Variants in EPHA6 observed in about 807,000 individuals in gnomAD.
The protein encoded by EPHA6 is ephrin type-A receptor 6.
A neutral mutation model predicts 112.0 loss-of-function variants in EPHA6; 50 were observed. The observed-to-expected ratio is 0.45, with a 90% confidence interval of 0.36 to 0.56. EPHA6 has a LOEUF of 0.56. EPHA6 is among the 20% of genes least tolerant of loss of function. The probability of loss-of-function intolerance (pLI) is 0.00; values close to 1 mark genes in which losing one functional copy is unlikely to be tolerated. For missense variants in EPHA6, 1,280 were observed against 1,417.4 expected, an observed-to-expected ratio of 0.90 and a Z score of 1.56; for synonymous variants, 529 against 490.7, an observed-to-expected ratio of 1.08 and a Z score of -1.03.
chr3:97,655,358 G>A (rs2094131712), intron 14 of EPHA6, among the ~76,000 whole-genome samples: 1 of 151,622 alleles, frequency 6.6e-6, no homozygotes, highest in Non-Finnish European at 1.5e-5. Flanking sequence ...TCTGTCATAT[G>A]CAAACTCCCT....
chr3:97,334,478 C>CTTTTTTTTTTTTTTTTTTTTT (rs1354125066), intron 5 of EPHA6, among the ~76,000 whole-genome samples: 1 of 128,066 alleles, frequency 7.8e-6, no homozygotes, highest in African/African-American at 3.0e-5. Context: ...TTTTTTTCTT[C>CTTTTTTTTTTTTTTTTTTTTT]TTTTTTTTTT....
At chr3:97,016,245 C>A (rs1044029585) in intron 3 of EPHA6, among the ~76,000 whole-genome samples, 1 of 152,038 alleles carries the variant, frequency 6.6e-6, no homozygotes, top group Non-Finnish European at 1.5e-5. Flanking sequence ...TGACTTTAAA[C>A]AATTAATGTA....
rs112482417 is a variant in EPHA6, at chr3:97,590,851, G to T, written c.2387-1761G>T. Among the ~76,000 whole-genome samples the T allele has an allele frequency of 1.8e-4, 28 of 152,242 alleles. 1 individual carries two copies. Among genetic ancestry groups the T allele is most frequent in the African/African-American group, 5.1e-4 (21 of 41,536 alleles). ...ATCACCCCACTTGGTATTCAATGAT[G>T]CACCTTCATTACAAGTGTTATCTCA... On this transcript the variant is annotated intron_variant, in intron 11 of 17. Coordinates refer to ENST00000389672, the MANE Select transcript of EPHA6 (RefSeq NM_001080448.3).
At chr3:97,015,861 A>G (rs2044247470) in intron 3 of EPHA6, among the ~76,000 whole-genome samples, 1 of 152,162 alleles carries the variant, frequency 6.6e-6, no homozygotes, top group African/African-American at 2.4e-5. Context: ...AAACTTCACT[A>G]ATAGCTGACG....
intron 13 of EPHA6, among the ~76,000 whole-genome samples, chr3:97,616,418 G>C (rs1177054152): frequency 6.6e-6 from 1 of 152,132 alleles, no homozygotes; most frequent in Non-Finnish European, 1.5e-5. Context: ...TTCAGAACTG[G>C]ACTGAGGCTG....
In EPHA6 at chr3:97,483,912, C is replaced by T. The variant is rs199793585; in HGVS notation, c.2075-22C>T. The stretch of plus-strand genomic sequence containing the variant: ...ACTGAGATACTCAAACTAAATCAAT[C>T]GTTTTGTTATTGTTGTTGCAGTGCG... On this transcript the variant is annotated intron_variant, in intron 9 of 17. Coordinates refer to ENST00000389672, the MANE Select transcript of EPHA6 (RefSeq NM_001080448.3). The T allele has an allele frequency of 2.2e-4, 344 of 1,580,226 alleles. 1 individual carries two copies. The Middle Eastern group carries it at 4.4e-3, about 20-fold the overall frequency.
chr3:97,515,893 C>T (rs1463188861), intron 10 of EPHA6, among the ~76,000 whole-genome samples: 5 of 151,006 alleles, frequency 3.3e-5, no homozygotes, highest in African/African-American at 1.2e-4. Context: ...ATGTTTTTTT[C>T]TTAACTCACT....
At chr3:97,600,385 A>G (rs1184630058) in intron 12 of EPHA6, among the ~76,000 whole-genome samples, 1 of 150,726 alleles carries the variant, frequency 6.6e-6, no homozygotes, top group Non-Finnish European at 1.5e-5. Flanking sequence ...CCCATTCAGT[A>G]TGATATTGGC....
chr3:97,062,636 G>A (rs887575826), intron 3 of EPHA6, among the ~76,000 whole-genome samples: 6 of 152,090 alleles, frequency 3.9e-5, no homozygotes, highest in South Asian at 2.1e-4. Flanking sequence ...TGATGTGGGC[G>A]GTTCCCCCAT....
intron 5 of EPHA6, among the ~76,000 whole-genome samples, chr3:97,352,961 T>TC (rs2083888735): frequency 1.3e-5 from 2 of 152,030 alleles, no homozygotes; most frequent in Non-Finnish European, 2.9e-5. Flanking sequence ...AGGCAAAGTA[T>TC]CCTAAGGCAA....
chr3:97,736,236 T>C (rs2035246576), intron 16 of EPHA6, 118 bp downstream of exon 16: 1 of 655,076 alleles, frequency 1.5e-6, no homozygotes, highest in Non-Finnish European at 2.4e-6. Flanking sequence ...AGTTGTTGAC[T>C]TTGTGGAAAC....
chr3:96,859,511 A>G (rs966711325), intron 1 of EPHA6, among the ~76,000 whole-genome samples: 2 of 151,934 alleles, frequency 1.3e-5, no homozygotes, highest in African/African-American at 2.4e-5. Context: ...CCTCCTGAGT[A>G]ACTGGGATTA....
At chr3:97,387,424 A>G (rs966423770) in intron 5 of EPHA6, among the ~76,000 whole-genome samples, 17 of 151,978 alleles carry the variant, frequency 1.1e-4, no homozygotes, top group African/African-American at 4.1e-4. Flanking sequence ...ATACCCCTAA[A>G]TCATTTCTCT....
chr3:96,933,774 A>G (rs974609547), intron 2 of EPHA6, among the ~76,000 whole-genome samples: 1 of 152,140 alleles, frequency 6.6e-6, no homozygotes, highest in Admixed American at 6.6e-5. Flanking sequence ...GGAAGGTTAA[A>G]TATGTGACAC....
intron 10 of EPHA6, among the ~76,000 whole-genome samples, chr3:97,496,732 G>A (rs1210607851): frequency 1.3e-5 from 2 of 151,946 alleles, no homozygotes; most frequent in Non-Finnish European, 2.9e-5. Context: ...CGTATAGACT[G>A]TGTTTTAGCT....
chr3:97,361,496 G>A (rs1245684257), intron 5 of EPHA6, among the ~76,000 whole-genome samples: 1 of 152,110 alleles, frequency 6.6e-6, no homozygotes, highest in African/African-American at 2.4e-5. Flanking sequence ...CTGAAACTGG[G>A]CAATTTAAAA....
chr3:97,184,048 A>G (rs2077058653), intron 3 of EPHA6, among the ~76,000 whole-genome samples: 2 of 152,172 alleles, frequency 1.3e-5, no homozygotes, highest in African/African-American at 4.8e-5. Flanking sequence ...TTATAAAATC[A>G]TATACCTGAA....
chr3:97,544,122 C>T (rs2092909615), intron 11 of EPHA6, among the ~76,000 whole-genome samples: 1 of 152,142 alleles, frequency 6.6e-6, no homozygotes, highest in Non-Finnish European at 1.5e-5. Flanking sequence ...GAACTTCCAA[C>T]ACTATATTGA....
intron 3 of EPHA6, among the ~76,000 whole-genome samples, chr3:97,126,903 A>C (rs1339948448): frequency 1.3e-5 from 2 of 151,706 alleles, no homozygotes; most frequent in Non-Finnish European, 2.9e-5. Context: ...AGGTGAAAAA[A>C]AAAAAAAAGA....
Sources: gnomAD v4.1 joint callset for allele counts (sites outside exome capture counted in the v4.1 genomes callset) on GRCh38, gnomAD v4.1.1 for gene constraint, MANE v1.5 for transcripts, NCBI Gene and HGNC (gene_info 2026-07-23, HGNC 2026-07-21) for gene names.